The following FTO variants were observed in gnomAD, a reference collection of about 807,000 sequenced individuals.
The protein encoded by FTO is alpha-ketoglutarate-dependent dioxygenase FTO.
FTO carries 47 observed loss-of-function variants against 63.9 expected under a neutral mutation model. The ratio of observed to expected loss-of-function variants is 0.74; its 90% CI spans 0.58 to 0.94. The LOEUF is 0.94. FTO is among the 40% of genes least tolerant of loss of function. The pLI, the probability that FTO is intolerant of heterozygous loss-of-function variation, is 0.00. For synonymous variants in FTO, 207 were observed against 224.4 expected (o/e 0.92, Z 0.69); for missense variants, 562 against 618.1 (o/e 0.91, Z 0.96).
chr16:53,938,170 T>A (rs2082435498), intron 8 of FTO, among the ~76,000 whole-genome samples: 1 of 152,232 alleles, frequency 6.6e-6, no homozygotes, highest in Admixed American at 6.5e-5. Context: ...TCTTTAGTAC[T>A]AAATATATGT....
chr16:53,737,669 A>G (rs1238263919), intron 1 of FTO, among the ~76,000 whole-genome samples: 1 of 152,130 alleles, frequency 6.6e-6, no homozygotes, highest in Non-Finnish European at 1.5e-5. Flanking sequence ...ACCCAGCAGT[A>G]ATATGAGCCA....
At chr16:54,079,865 C>T (rs1369118731) in intron 8 of FTO, among the ~76,000 whole-genome samples, 1 of 152,116 alleles carries the variant, frequency 6.6e-6, no homozygotes, top group African/African-American at 2.4e-5. Flanking sequence ...ATTAAGATCT[C>T]TATTTATTTT....
intron 8 of FTO, chr16:54,071,746 G>C (rs763891802): frequency 6.6e-6 from 1 of 152,096 alleles, no homozygotes; most frequent in Non-Finnish European, 1.5e-5. Context: ...CTTTAAACCA[G>C]TACCTAGTGC....
intron 1 of FTO, among the ~76,000 whole-genome samples, chr16:53,741,472 C>G (rs909688406): frequency 6.6e-6 from 1 of 152,114 alleles, no homozygotes; most frequent in African/African-American, 2.4e-5. Flanking sequence ...ATTGTACAAA[C>G]CCATTAGATG....
intron 1 of FTO, among the ~76,000 whole-genome samples, chr16:53,766,340 C>T (rs146282967): frequency 6.6e-6 from 1 of 152,250 alleles, no homozygotes; most frequent in East Asian, 1.9e-4. Context: ...ATCCTCTCAC[C>T]TTAGTCTCCT....
intron 1 of FTO, among the ~76,000 whole-genome samples, chr16:53,738,632 A>G (rs2076448397): frequency 6.6e-6 from 1 of 152,080 alleles, no homozygotes; most frequent in Non-Finnish European, 1.5e-5. Context: ...GCTGGGTCAT[A>G]TGGTAAGTCT....
At position 54,120,396 on chromosome 16, in the gene FTO, A is replaced by G. The variant is rs890957141; in HGVS notation, c.*8481A>G. The G allele has an allele frequency of 4.6e-5, 7 of 152,226 alleles. No individual in the cohort carries two copies. Among genetic ancestry groups the G allele is most frequent in the Non-Finnish European group, 1.0e-4 (7 of 68,048 alleles). 9.4% of individuals were successfully genotyped at this position (152,226 alleles called of 1,614,324 possible). A position where few individuals can be genotyped will look rare whatever the true frequency, so the allele number is the denominator to read the frequency against. ...CGGAATGTCAGACTCTGCTAGCAACACAAGGTCCCTGTCCTCAAAATCCTA... is the reference window on the plus strand; with the variant it reads ...CGGAATGTCAGACTCTGCTAGCAACGCAAGGTCCCTGTCCTCAAAATCCTA... On this transcript the variant is annotated 3_prime_UTR_variant, in exon 9 of 9. Coordinates refer to ENST00000471389, the MANE Select transcript of FTO (RefSeq NM_001080432.3).
intron 7 of FTO, among the ~76,000 whole-genome samples, chr16:53,897,443 T>A (rs1368238904): frequency 6.6e-6 from 1 of 152,222 alleles, no homozygotes; most frequent in Non-Finnish European, 1.5e-5. Flanking sequence ...CATAGCCATA[T>A]CTGCATTGGT....
intron 1 of FTO, among the ~76,000 whole-genome samples, chr16:53,806,199 C>T (rs899121446): frequency 2.0e-5 from 3 of 152,144 alleles, no homozygotes; most frequent in Admixed American, 2.0e-4. Context: ...CTTCATTGTA[C>T]ATGGACAAAA....
At chr16:53,881,151 A>AAATAAATAAATAAATAAATAAATAT (rs1449117058) in intron 6 of FTO, among the ~76,000 whole-genome samples, 1 of 150,862 alleles carries the variant, frequency 6.6e-6, no homozygotes, top group African/African-American at 2.4e-5. Flanking sequence ...ATAAATAAAT[A>AAATAAATAAATAAATAAATAAATAT]AAAATAAAAT....
intron 7 of FTO, among the ~76,000 whole-genome samples, chr16:53,930,198 A>ATATTTACTT (rs1015462994): frequency 1.6e-5 from 2 of 128,750 alleles, no homozygotes; most frequent in African/African-American, 3.0e-5. Context: ...AGTTTTGTTT[A>ATATTTACTT]TATTTACTTT....
intron 7 of FTO, among the ~76,000 whole-genome samples, chr16:53,933,091 C>G (rs890260988): frequency 6.6e-6 from 1 of 152,168 alleles, no homozygotes; most frequent in African/African-American, 2.4e-5. Context: ...CTCCTCTTCT[C>G]AAGGTTGTCA....
intron 3 of FTO, among the ~76,000 whole-genome samples, chr16:53,827,377 A>C (rs1242762977): frequency 6.6e-6 from 1 of 152,210 alleles, no homozygotes; most frequent in Non-Finnish European, 1.5e-5. Flanking sequence ...TACAAGACAT[A>C]GTATTAGCTC....
chr16:53,733,492 G>A (rs9925125), intron 1 of FTO, among the ~76,000 whole-genome samples: 9,370 of 152,232 alleles, frequency 0.062, 971 homozygotes, highest in African/African-American at 0.21. Context: ...ATATCAACAC[G>A]GAAAATTAGG....
chr16:54,024,205 T>G (rs2084661439), intron 8 of FTO, among the ~76,000 whole-genome samples: 1 of 152,112 alleles, frequency 6.6e-6, no homozygotes, highest in South Asian at 2.1e-4. Flanking sequence ...ACCAAAAAAA[T>G]GTCTAGGCTG....
Position 53,826,164 on chromosome 16 carries a change from C to T in FTO, c.424C>T (p.Leu142Phe). The change falls in exon 3 of 9, where the codon CTC becomes TTC. Residue 142 changes from leucine to phenylalanine, a missense_variant. By Grantham distance (22) the Leu-to-Phe change is conservative. Coordinates refer to ENST00000471389, the MANE Select transcript of FTO (RefSeq NM_001080432.3). ...CGCTGCTTGTGAGACCTTCCTCAAGCTCAATGACTACCTGCAGATAGAAAC... is the reference window on the plus strand; with the variant it reads ...CGCTGCTTGTGAGACCTTCCTCAAGTTCAATGACTACCTGCAGATAGAAAC... ...IAAACETFLK[L>F]NDYLQIETIQ... 6.2e-7 allele frequency: 1 copy of T among 1,614,134 alleles called. No individual in the cohort carries two copies. Among genetic ancestry groups the T allele is most frequent in the Non-Finnish European group, 8.5e-7 (1 of 1,180,022 alleles).
At chr16:53,813,497 C>T (rs1598729738) in intron 2 of FTO, among the ~76,000 whole-genome samples, 1 of 152,190 alleles carries the variant, frequency 6.6e-6, no homozygotes, top group African/African-American at 2.4e-5. Context: ...GAGGTGTGAG[C>T]CACTGCGCCT....
chr16:54,041,816 A>T lies in FTO; in HGVS notation c.1365-69946A>T, dbSNP rs555276035. ...TGTTGTGCACGCTGGCTCTTCTGCA[A>T]GACACACGATGGAGGTTGAGAGTGT... is the stretch of plus-strand genomic sequence containing the variant. On this transcript the variant is annotated intron_variant, in intron 8 of 8. Transcript: ENST00000471389. Among the ~76,000 whole-genome samples, 5 of 152,350 alleles carry T rather than the reference A, an allele frequency of 3.3e-5. No individual in the cohort carries two copies. In the South Asian group the frequency reaches 1.0e-3, roughly 32 times the overall value.
At chr16:53,811,096 A>G (rs1397372484) in intron 2 of FTO, among the ~76,000 whole-genome samples, 2 of 152,194 alleles carry the variant, frequency 1.3e-5, no homozygotes, top group Non-Finnish European at 2.9e-5. Flanking sequence ...TGCCCAGCCT[A>G]GTTCATGCAC....
Sources: gnomAD v4.1 joint callset for allele counts (sites outside exome capture counted in the v4.1 genomes callset) on GRCh38, gnomAD v4.1.1 for gene constraint, MANE v1.5 for transcripts, NCBI Gene and HGNC (gene_info 2026-07-23, HGNC 2026-07-21) for gene names.